The following PCDHGB6 variants were observed in gnomAD, a reference collection of about 807,000 sequenced individuals.
PCDHGB6 encodes the protein protocadherin gamma-B6.
A neutral mutation model predicts 59.1 loss-of-function variants in PCDHGB6; 51 were observed. The observed-to-expected ratio is 0.86, with a 90% CI of 0.69 to 1.09. The LOEUF is 1.09. PCDHGB6 is among the 50% of genes least tolerant of loss of function. The pLI, the probability that PCDHGB6 is intolerant of heterozygous loss-of-function variation, is 0.00. For missense variants in PCDHGB6, 1,148 were observed against 1,205.1 expected (o/e 0.95, Z 0.70); for synonymous variants, 466 against 495.1 (o/e 0.94, Z 0.78).
chr5:141,427,742 C>T, intron 1 of PCDHGB6: 2 of 1,247,208 alleles, frequency 1.6e-6, no homozygotes, highest in Non-Finnish European at 2.3e-6. Context: ...GCCAAGTCTC[C>T]TACTCCATCG....
intron 1 of PCDHGB6, among the ~76,000 whole-genome samples, chr5:141,458,336 GA>G (rs762646440): frequency 1.3e-5 from 2 of 152,118 alleles, no homozygotes; most frequent in Non-Finnish European, 2.9e-5. Context: ...TGGTTTTAAG[GA>G]GTGGAGAGTT....
intron 1 of PCDHGB6, among the ~76,000 whole-genome samples, chr5:141,482,178 C>T (rs950570560): frequency 2.6e-5 from 4 of 151,968 alleles, no homozygotes; most frequent in African/African-American, 4.8e-5. Context: ...TAAGGCTTTA[C>T]GATGCTCCAG....
chr5:141,441,838 C>T, intron 1 of PCDHGB6: 4 of 355,582 alleles, frequency 1.1e-5, no homozygotes, highest in South Asian at 9.6e-5. Flanking sequence ...TGGCTTCGCG[C>T]TCTTGGATAT....
intron 1 of PCDHGB6, among the ~76,000 whole-genome samples, chr5:141,450,826 A>ATT (rs764729742): frequency 0.025 from 3,390 of 134,266 alleles, 60 homozygotes; most frequent in Middle Eastern, 0.057. Flanking sequence ...TATTATTATT[A>ATT]TTATTTTTTT....
At chr5:141,414,567 T>C in intron 1 of PCDHGB6, 1 of 1,613,962 alleles carries the variant, frequency 6.2e-7, no homozygotes, top group Non-Finnish European at 8.5e-7. Context: ...ACTTTACCTA[T>C]ATCCCAGAGA....
At position 141,485,120 on chromosome 5, in the gene PCDHGB6, G is replaced by A. The variant is rs2099607447; in HGVS notation, c.2419-9687G>A. On this transcript the variant is annotated intron_variant, in intron 1 of 3. Coordinates refer to ENST00000520790, the MANE Select transcript of PCDHGB6 (RefSeq NM_018926.3). The surrounding 1 kb of genome is among the most constrained non-coding windows in gnomAD (Gnocchi z 5.7). ...TCCAGCTGCTGTGGCTGTTTGGGGC[G>A]GGTCGGCTTCATCCGCGTCTCAGGA... The A allele has an allele frequency of 1.5e-6, 2 of 1,348,050 alleles. No homozygotes were observed. Among genetic ancestry groups the A allele is most frequent in the Non-Finnish European group, 2.1e-6 (2 of 952,710 alleles). 83.5% of individuals were successfully genotyped at this position (1,348,050 alleles called of 1,614,324 possible).
In PCDHGB6 at chr5:141,408,415, G is replaced by A. The variant is rs554066897; in HGVS notation, c.213G>A (p.Glu71=). The A allele has an allele frequency of 1.8e-5, 29 of 1,614,074 alleles. 1 individual carries two copies. In the South Asian group the frequency reaches 2.9e-4, roughly 16 times the overall value. Residue 71 remains glutamate, a synonymous_variant, in exon 1 of 4, where the codon GAG becomes GAA. Coordinates refer to ENST00000520790, the MANE Select transcript of PCDHGB6 (RefSeq NM_018926.3). Reference sequence around the variant, plus strand: ...CTCGCAAGCTGCGAGTGAGCGCGGAGAAGCTGCACTTCAGCGTAGACGCGG... The same window carrying A: ...CTCGCAAGCTGCGAGTGAGCGCGGAAAAGCTGCACTTCAGCGTAGACGCGG... ...VSARKLRVSA[E]KLHFSVDAES...
intron 3 of PCDHGB6, 73 bp from the exon 4 acceptor site, chr5:141,510,874 G>A (rs1419164967): frequency 3.7e-6 from 6 of 1,610,008 alleles, no homozygotes; most frequent in Admixed American, 1.7e-5. Context: ...TTCATTAACT[G>A]CTGGGGATAT....
chr5:141,409,680 C>G lies in PCDHGB6; in HGVS notation c.1478C>G (p.Ala493Gly), dbSNP rs756713114. The change falls in exon 1 of 4, where the codon GCG (alanine) becomes GGG (glycine). Residue 493 changes from alanine (A) to glycine (G), a missense_variant. By Grantham distance (60) the Ala-to-Gly change is moderately conservative. This residue lies in a region of PCDHGB6 where 549 missense variants were observed against 527.5 expected (regional missense o/e 1.04). Transcript: ENST00000520790. The stretch of plus-strand genomic sequence containing the variant: ...GGCCACATCTCCTACTCTATAGTGG[C>G]GAGTGACCTAGAGCCCCTGGCGGTG... The part of the protein sequence containing the change: ...LNGHISYSIV[A>G]SDLEPLAVSS... 6.2e-7 allele frequency: 1 copy of G among 1,613,360 alleles called. No homozygotes were observed. The highest frequency in any genetic ancestry group is 8.5e-7 in the Non-Finnish European group (1 of 1,179,844).
intron 1 of PCDHGB6, chr5:141,419,071 A>G: frequency 6.2e-7 from 1 of 1,614,006 alleles, no homozygotes; most frequent in South Asian, 1.1e-5. Flanking sequence ...ACTACAAGCT[A>G]GTAACAGATG....
In PCDHGB6 at chr5:141,486,585, GGGA is replaced by G; in HGVS notation, c.2419-8221_2419-8219del. The G allele has an allele frequency of 6.2e-7, 1 of 1,613,708 alleles. No individual in the cohort carries two copies. Among genetic ancestry groups the G allele is most frequent in the Non-Finnish European group, 8.5e-7 (1 of 1,180,024 alleles). On this transcript the variant is annotated intron_variant, in intron 1 of 3. Transcript: ENST00000520790. This position sits in a 1 kb window ranked among gnomAD's most constrained non-coding sequence, Gnocchi z 5.0. ...TTTGTTCCTGAGAACAATCGCCCAG[GGGA>G]CCTGCTTTGCTCCCTTGCAGCCTCT...
chr5:141,435,934 T>A (rs1311888999), intron 1 of PCDHGB6, among the ~76,000 whole-genome samples: 2 of 152,160 alleles, frequency 1.3e-5, no homozygotes, highest in Non-Finnish European at 2.9e-5. Flanking sequence ...CAGTTGCTGC[T>A]TCTGAGACCA....
chr5:141,480,578 A>G (rs1343189182), intron 1 of PCDHGB6, among the ~76,000 whole-genome samples: 1 of 133,254 alleles, frequency 7.5e-6, no homozygotes, highest in Admixed American at 7.4e-5. Context: ...GCAAGAAATA[A>G]CTGCCGCTCT....
chr5:141,452,002 T>C (rs965343762), intron 1 of PCDHGB6, among the ~76,000 whole-genome samples: 1 of 152,220 alleles, frequency 6.6e-6, no homozygotes, highest in African/African-American at 2.4e-5. Context: ...GCAAAATCAC[T>C]TGGTCCAGCC....
At chr5:141,427,059 G>C (rs751016646) in intron 1 of PCDHGB6, 1 of 457,744 alleles carries the variant, frequency 2.2e-6, no homozygotes, top group South Asian at 1.5e-5. Context: ...AGGCACCTCT[G>C]TACTAAAGGT....
intron 2 of PCDHGB6, among the ~76,000 whole-genome samples, chr5:141,501,761 G>C (rs906778888): frequency 2.6e-5 from 4 of 152,090 alleles, no homozygotes; most frequent in African/African-American, 4.8e-5. Flanking sequence ...CTCAGTAAAT[G>C]GTTAAAAAAG....
Position 141,493,360 on chromosome 5 carries a change from G to T in PCDHGB6, c.2419-1447G>T, listed in dbSNP as rs1364095483. Reference sequence around the variant, plus strand: ...CAGAATGTGTGCTTTTAATTTCTTGGCACTTGGAACTTTAAAAGCTTGAGG... The same window carrying T: ...CAGAATGTGTGCTTTTAATTTCTTGTCACTTGGAACTTTAAAAGCTTGAGG... On this transcript the variant is annotated intron_variant, in intron 1 of 3. Transcript: ENST00000520790. This position sits in a 1 kb window ranked among gnomAD's most constrained non-coding sequence, Gnocchi z 4.3. Among the ~76,000 whole-genome samples the T allele has an allele frequency of 6.6e-6, 1 of 152,144 alleles. No individual in the cohort carries two copies. The highest frequency in any genetic ancestry group is 1.5e-5 in the Non-Finnish European group (1 of 68,022).
At chr5:141,445,732 A>G (rs2098475548) in intron 1 of PCDHGB6, among the ~76,000 whole-genome samples, 1 of 152,230 alleles carries the variant, frequency 6.6e-6, no homozygotes, top group African/African-American at 2.4e-5. Context: ...ATGTGTAAAG[A>G]TCTTTTTAAA....
In PCDHGB6 at chr5:141,422,942, G is replaced by T. The variant is rs199976232; in HGVS notation, c.2418+12322G>T. On this transcript the variant is annotated intron_variant, in intron 1 of 3. Transcript: ENST00000520790. Reference sequence around the variant, plus strand: ...CTGTACCCTGCCCTCCCCACAGACGGCTCCACTGGCGTGGAGCTGGCGCCC... The same window carrying T: ...CTGTACCCTGCCCTCCCCACAGACGTCTCCACTGGCGTGGAGCTGGCGCCC... The T allele has an allele frequency of 3.6e-4, 583 of 1,614,096 alleles. 1 individual carries two copies. Among genetic ancestry groups the T allele is most frequent in the South Asian group, 5.2e-4 (47 of 91,090 alleles).
Sources: gnomAD v4.1 joint callset for allele counts (sites outside exome capture counted in the v4.1 genomes callset) on GRCh38, gnomAD v4.1.1 for gene constraint, gnomAD v4.1.1 regional missense constraint, Gnocchi (gnomAD v3.1) non-coding constraint, MANE v1.5 for transcripts, NCBI Gene and HGNC (gene_info 2026-07-23, HGNC 2026-07-21) for gene names.